Variants in FOXP1 observed in about 807,000 individuals in gnomAD.
FOXP1 encodes forkhead box protein P1.
In FOXP1, 15 loss-of-function variants were observed where a neutral mutation model predicts 98.2. That is an observed-to-expected ratio of 0.15 (90% CI 0.10 to 0.24). FOXP1 has a LOEUF of 0.24. Among genes scored for constraint, FOXP1 ranks in the 10% least tolerant of loss-of-function variants. FOXP1 has a pLI of 1.00. For missense variants in FOXP1, 633 were observed against 848.5 expected, an observed-to-expected ratio of 0.75 and a Z score of 3.15; for synonymous variants, 371 against 314.5, an observed-to-expected ratio of 1.18 and a Z score of -1.90.
intron 2 of FOXP1, among the ~76,000 whole-genome samples, chr3:71,522,981 C>A (rs913833385): frequency 2.1e-4 from 32 of 152,088 alleles, no homozygotes; most frequent in African/African-American, 7.5e-4. Context: ...AAGGTGGATC[C>A]GAATGTGACC....
chr3:71,326,093 T>G (rs538299487), intron 4 of FOXP1, among the ~76,000 whole-genome samples: 1 of 152,158 alleles, frequency 6.6e-6, no homozygotes, highest in East Asian at 1.9e-4. Flanking sequence ...CCACCAAATT[T>G]CTCTTTTCGT....
chr3:71,209,753 C>T (rs1189472606), intron 5 of FOXP1, among the ~76,000 whole-genome samples: 1 of 152,158 alleles, frequency 6.6e-6, no homozygotes, highest in East Asian at 1.9e-4. Flanking sequence ...AGTTATCATG[C>T]CTTATCAGAG....
rs71120316 is a variant in FOXP1, at chr3:71,345,871, T to TAAAAAAAAAAAAAAAAAAAAAAA, written c.-73+13256_-73+13278dup. 1.6e-3 allele frequency among the ~76,000 whole-genome samples: 86 copies of TAAAAAAAAAAAAAAAAAAAAAAA among 55,086 alleles called. 12 individuals carry two copies. Among genetic ancestry groups the TAAAAAAAAAAAAAAAAAAAAAAA allele is most frequent in the Admixed American group, 2.7e-3 (8 of 2,942 alleles). The allele number at this position is 55,086 out of a possible 152,430, so 36.1% of individuals were successfully genotyped here. A position where few individuals can be genotyped will look rare whatever the true frequency, so the allele number is the denominator to read the frequency against. On this transcript the variant is annotated intron_variant, in intron 4 of 20. Coordinates refer to ENST00000649528, the MANE Select transcript of FOXP1 (RefSeq NM_001349338.3). ...AGGTTTGAAATCAATAAAGTTTTTGTAAAAAAAAAAAAAAAAAAAAAAAAA... is the reference window on the plus strand; with the variant it reads ...AGGTTTGAAATCAATAAAGTTTTTGTAAAAAAAAAAAAAAAAAAAAAAAAAAAAAAAAAAAAAAAAAAAAAAAA...
At chr3:71,258,977 C>G (rs1289007811) in intron 5 of FOXP1, among the ~76,000 whole-genome samples, 1 of 152,100 alleles carries the variant, frequency 6.6e-6, no homozygotes, top group Non-Finnish European at 1.5e-5. Context: ...AACCCCTTCT[C>G]TACTAAAAAT....
intron 3 of FOXP1, among the ~76,000 whole-genome samples, chr3:71,373,825 C>T (rs2079518138): frequency 6.6e-6 from 1 of 152,170 alleles, no homozygotes; most frequent in Admixed American, 6.5e-5. Context: ...CTCTACCCTG[C>T]TAATGATAAA....
At chr3:71,284,925 A>G (rs2071949993) in intron 5 of FOXP1, among the ~76,000 whole-genome samples, 3 of 152,164 alleles carry the variant, frequency 2.0e-5, no homozygotes, top group African/African-American at 7.2e-5. Context: ...CTTTTCTATA[A>G]TTGCAAATTC....
intron 5 of FOXP1, among the ~76,000 whole-genome samples, chr3:71,212,514 C>G (rs2064560694): frequency 6.6e-6 from 1 of 152,168 alleles, no homozygotes; most frequent in Non-Finnish European, 1.5e-5. Flanking sequence ...AGAAGACACC[C>G]TAAAAACCAG....
intron 3 of FOXP1, among the ~76,000 whole-genome samples, chr3:71,403,055 C>T (rs927551975): frequency 6.6e-6 from 1 of 152,184 alleles, no homozygotes; most frequent in African/African-American, 2.4e-5. Context: ...ATTGTATAAG[C>T]AAAACCAAAT....
chr3:71,583,839 G>A (rs1376741207), upstream of FOXP1: 24 of 987,358 alleles, frequency 2.4e-5, no homozygotes, highest in Non-Finnish European at 2.6e-5. Context: ...GGCGCGGGCA[G>A]CACCGGCCCG....
chr3:71,193,787 C>T (rs889598686), intron 6 of FOXP1, among the ~76,000 whole-genome samples: 13 of 152,174 alleles, frequency 8.5e-5, no homozygotes, highest in African/African-American at 2.9e-4. Flanking sequence ...AGACTCTTTG[C>T]CTGAGTCCCA....
In FOXP1 at chr3:71,404,120, C is replaced by CTTTTTTTTTTTTT. The variant is rs869086663; in HGVS notation, c.-167-44889_-167-44877dup. Among the ~76,000 whole-genome samples, 215 of 62,710 alleles carry CTTTTTTTTTTTTT rather than the reference C, an allele frequency of 3.4e-3. 5 individuals are homozygous for CTTTTTTTTTTTTT. The highest frequency in any genetic ancestry group is 0.043 in the Middle Eastern group (2 of 46). The allele number at this position is 62,710 out of a possible 152,430, so 41.1% of individuals were successfully genotyped here. A position where few individuals can be genotyped will look rare whatever the true frequency, so the allele number is the denominator to read the frequency against. ...ATTGGGGTTTTTTTCTTTTCTTTTT[C>CTTTTTTTTTTTTT]TTTTTTTTTTTTTTTTTTTTTTTTG... On this transcript the variant is annotated intron_variant, in intron 3 of 20. Coordinates refer to ENST00000649528, the MANE Select transcript of FOXP1 (RefSeq NM_001349338.3).
chr3:71,309,615 C>T (rs2074544230), intron 4 of FOXP1, among the ~76,000 whole-genome samples: 1 of 152,182 alleles, frequency 6.6e-6, no homozygotes, highest in South Asian at 2.1e-4. Flanking sequence ...CCAACCCACA[C>T]CAATGCCACA....
At chr3:71,294,625 T>TATGA (rs1470546840) in intron 5 of FOXP1, among the ~76,000 whole-genome samples, 1 of 152,162 alleles carries the variant, frequency 6.6e-6, no homozygotes, top group South Asian at 2.1e-4. Context: ...CATCTGTATG[T>TATGA]ATGAATGAAT....
At chr3:71,028,220 T>C (rs780366115) in intron 11 of FOXP1, among the ~76,000 whole-genome samples, 1 of 152,208 alleles carries the variant, frequency 6.6e-6, no homozygotes, top group Non-Finnish European at 1.5e-5. Context: ...TCTGAAATGT[T>C]GAGTCTTGGC....
chr3:71,471,055 T>C (rs925139387), intron 3 of FOXP1, among the ~76,000 whole-genome samples: 4 of 152,226 alleles, frequency 2.6e-5, no homozygotes, highest in Non-Finnish European at 5.9e-5. Flanking sequence ...CTACATTAAA[T>C]ATTAAATACA....
chr3:71,291,800 G>A (rs1380542518), intron 5 of FOXP1, among the ~76,000 whole-genome samples: 1 of 146,124 alleles, frequency 6.8e-6, no homozygotes, highest in Non-Finnish European at 1.5e-5. Flanking sequence ...TCTGCCTCCC[G>A]GGTTCAAGTG....
At chr3:70,965,430 T>G (rs3846031) in intron 20 of FOXP1, among the ~76,000 whole-genome samples, 37,949 of 152,216 alleles carry the variant, frequency 0.25, 5,515 homozygotes, top group Non-Finnish European at 0.33. Flanking sequence ...GCCTTTCATT[T>G]GTGCCATCAT....
At chr3:71,444,638 G>A (rs1289408252) in intron 3 of FOXP1, among the ~76,000 whole-genome samples, 2 of 152,170 alleles carry the variant, frequency 1.3e-5, no homozygotes, top group African/African-American at 2.4e-5. Context: ...CAATTCAGCA[G>A]GCCTGCCAGC....
At position 70,970,756 on chromosome 3, in the gene FOXP1, G is replaced by A. The variant is rs147674680; in HGVS notation, c.1702C>T (p.Pro568Ser). The A allele has an allele frequency of 3.1e-4, 505 of 1,613,832 alleles. 1 individual carries two copies. The African/African-American group carries it at 6.0e-3, about 19-fold the overall frequency. The change falls in exon 19 of 21, where the codon CCT becomes TCT. Residue 568 changes from proline to serine, a missense_variant. This residue lies in a region of FOXP1 where 150 missense variants were observed against 163.7 expected (regional missense o/e 0.92). Coordinates refer to ENST00000649528, the MANE Select transcript of FOXP1 (RefSeq NM_001349338.3). ...NMQSSHAYCT[P>S]LNAALQASMA... Reference sequence around the variant, plus strand: ...CTTACCTGTAAAGCTGCATTGAGAGGTGTGCAGTAGGCGTGGCTGCTCTGC... The same window carrying A: ...CTTACCTGTAAAGCTGCATTGAGAGATGTGCAGTAGGCGTGGCTGCTCTGC...
Sources: gnomAD v4.1 joint callset for allele counts (sites outside exome capture counted in the v4.1 genomes callset) on GRCh38, gnomAD v4.1.1 for gene constraint, gnomAD v4.1.1 regional missense constraint, MANE v1.5 for transcripts, NCBI Gene and HGNC (gene_info 2026-07-23, HGNC 2026-07-21) for gene names.